GVQW3: variants seen among roughly 807,000 people sequenced by gnomAD.
GVQW3 encodes the protein protein GVQW3.
GVQW3 carries 7 observed loss-of-function variants against 12.5 expected under a neutral mutation model. The ratio of observed to expected loss-of-function variants is 0.56; its 90% CI spans 0.32 to 1.05. The LOEUF is 1.05. GVQW3 is among the 50% of genes least tolerant of loss of function. GVQW3 has a pLI of 0.04. For synonymous variants in GVQW3, 71 were observed against 67.2 expected (o/e 1.06, Z -0.28); for missense variants, 188 against 190.8 (o/e 0.99, Z 0.09).
chr11:76,397,002 CTTTTTT>C (rs11401694), intron 1 of GVQW3, among the ~76,000 whole-genome samples: 19 of 110,876 alleles, frequency 1.7e-4, no homozygotes, highest in Non-Finnish European at 2.9e-4. Context: ...TCATTTATTC[CTTTTTT>C]TTTTTTTTTT....
At chr11:76,387,967 G>A (rs1043998366) in intron 1 of GVQW3, among the ~76,000 whole-genome samples, 1 of 152,196 alleles carries the variant, frequency 6.6e-6, no homozygotes, top group African/African-American at 2.4e-5. Context: ...ACTCTGTGGA[G>A]CCAGGAGAGT....
intron 1 of GVQW3, among the ~76,000 whole-genome samples, chr11:76,400,143 G>A (rs1022313519): frequency 4.8e-5 from 7 of 146,806 alleles, no homozygotes; most frequent in Admixed American, 2.1e-4. Flanking sequence ...ATGGAGTTTC[G>A]CTCTTGTCAC....
exon 2 of GVQW3, chr11:76,413,285 T>C (rs1947094007): frequency 6.6e-6 from 1 of 152,188 alleles, no homozygotes; most frequent in Non-Finnish European, 1.5e-5. Flanking sequence ...GGCTTGGCAT[T>C]GTTCTCCCAA....
At chr11:76,391,593 G>A (rs1028681848) in intron 1 of GVQW3, among the ~76,000 whole-genome samples, 1 of 152,200 alleles carries the variant, frequency 6.6e-6, no homozygotes, top group African/African-American at 2.4e-5. Context: ...GAAGCAGCCA[G>A]AAGTCCACTC....
chr11:76,408,217 G>T (rs59877552), downstream of GVQW3: 5 of 152,102 alleles, frequency 3.3e-5, no homozygotes, highest in African/African-American at 9.7e-5. Context: ...ACACAGATAC[G>T]CTTATTACAA....
At chr11:76,383,857 G>T (rs1454992872) in intron 1 of GVQW3, 3 of 152,086 alleles carry the variant, frequency 2.0e-5, no homozygotes, top group African/African-American at 7.2e-5. Context: ...TAATGGTGTT[G>T]CAGCAGATGA....
rs1212669253 is a variant in GVQW3 at position 76,404,103 on chromosome 11, T to C, written c.*345T>C. On this transcript the variant is annotated 3_prime_UTR_variant, in exon 2 of 2. Coordinates refer to ENST00000529331, the MANE Select transcript of GVQW3 (RefSeq NM_001347885.2). ...TCAAGTGAACATATAAAATTGGCTG[T>C]CACATCTCCATTTTGTTTATTTATT... 1 of 467,932 alleles carries C rather than the reference T, an allele frequency of 2.1e-6. No individual in the cohort carries two copies. The highest frequency in any genetic ancestry group is 3.8e-6 in the Non-Finnish European group (1 of 261,520). 29.0% of individuals were successfully genotyped at this position (467,932 alleles called of 1,614,324 possible). A position where few individuals can be genotyped will look rare whatever the true frequency, so the allele number is the denominator to read the frequency against.
Position 76,381,558 on chromosome 11 carries a change from T to TC in GVQW3, c.-271_-270insC. On this transcript the variant is annotated 5_prime_UTR_variant, in exon 1 of 2. The change creates a premature stop within an existing upstream ORF in the 5' untranslated region. Transcript: ENST00000529331. ...GTGACTGGCAAACTCTCGGCAGATG[T>TC]GCGTGCACTGGTTTGATGCAGACGT... 6.4e-5 allele frequency: 24 copies of TC among 374,784 alleles called. No homozygotes were observed. The highest frequency in any genetic ancestry group is 3.0e-4 in the South Asian group (6 of 19,704). 23.2% of individuals were successfully genotyped at this position (374,784 alleles called of 1,614,324 possible). A position where few individuals can be genotyped will look rare whatever the true frequency, so the allele number is the denominator to read the frequency against.
chr11:76,406,367 A>G lies in GVQW3; in HGVS notation c.*2609A>G, dbSNP rs1947039158. 6.6e-6 allele frequency: 1 copy of G among 152,304 alleles called. No homozygotes were observed. The highest frequency in any genetic ancestry group is 2.1e-4 in the South Asian group (1 of 4,830). The allele number at this position is 152,304 out of a possible 1,614,324, so 9.4% of individuals were successfully genotyped here. A position where few individuals can be genotyped will look rare whatever the true frequency, so the allele number is the denominator to read the frequency against. ...AGAGGAGGTTCAATAACTGTGTGCTAGAGTCATACCTCCACCTGAGTGCAG... is the reference window on the plus strand; with the variant it reads ...AGAGGAGGTTCAATAACTGTGTGCTGGAGTCATACCTCCACCTGAGTGCAG... On this transcript the variant is annotated 3_prime_UTR_variant, in exon 2 of 2. Transcript: ENST00000529331.
At position 76,407,392 on chromosome 11, in the gene GVQW3, C is replaced by G. The variant is rs1206125204; in HGVS notation, c.*3634C>G. On this transcript the variant is annotated 3_prime_UTR_variant, in exon 2 of 2. Transcript: ENST00000529331. ...AGGAGCTAGAGACCAGCCTGGTCAA[C>G]ATGGTGAAACCCCTTCTCTACTAAA... 2 of 152,050 alleles carry G rather than the reference C, an allele frequency of 1.3e-5. No individual in the cohort carries two copies. Among genetic ancestry groups the G allele is most frequent in the African/African-American group, 4.8e-5 (2 of 41,370 alleles). 9.4% of individuals were successfully genotyped at this position (152,050 alleles called of 1,614,324 possible).
chr11:76,382,330 G>A, intron 1 of GVQW3, 37 bp downstream of exon 1: 1 of 1,326,832 alleles, frequency 7.5e-7, no homozygotes, highest in Admixed American at 2.0e-5. Flanking sequence ...TCTCCAGGGT[G>A]AAGCTGGTGG....
At position 76,382,286 on chromosome 11, in the gene GVQW3, G is replaced by C. The variant is rs775345570; in HGVS notation, c.458G>C (p.Arg153Thr). 6.6e-7 allele frequency: 1 copy of C among 1,514,132 alleles called. No homozygotes were observed. 93.8% of individuals were successfully genotyped at this position (1,514,132 alleles called of 1,614,324 possible). Residue 153 changes from arginine (R) to threonine (T), a missense_variant, in exon 1 of 2, where the codon AGG becomes ACG. Coordinates refer to ENST00000529331, the MANE Select transcript of GVQW3 (RefSeq NM_001347885.2). ...ACTAGGAAAAATAGCTCATGTTTGA[G>C]GAAAAAGGTAACAGGTTCTGAAACA... ...KETRKNSSCL[R>T]KKRRNLTMLP... is the part of the protein sequence containing the mutation.
intron 1 of GVQW3, among the ~76,000 whole-genome samples, chr11:76,398,564 T>C (rs1204627651): frequency 1.3e-5 from 2 of 152,296 alleles, no homozygotes; most frequent in East Asian, 1.9e-4. Flanking sequence ...CCGCCTGCCA[T>C]GGCCTCCCAA....
At chr11:76,408,550 T>G (rs1458902556), downstream of GVQW3, 1 of 152,210 alleles carries the variant, frequency 6.6e-6, no homozygotes, top group East Asian at 1.9e-4. Flanking sequence ...TGAACTGAGG[T>G]GCATCCAACT....
Position 76,382,049 on chromosome 11 carries a change from AT to A in GVQW3, c.222del (p.Asn74LysfsTer15). 1 of 1,536,602 alleles carries A rather than the reference AT, an allele frequency of 6.5e-7. No individual in the cohort carries two copies. The highest frequency in any genetic ancestry group is 8.7e-7 in the Non-Finnish European group (1 of 1,147,006). On this transcript the variant is annotated frameshift_variant, in exon 1 of 2. Coordinates refer to ENST00000529331, the MANE Select transcript of GVQW3 (RefSeq NM_001347885.2). LOFTEE classifies it high-confidence loss of function. Reference protein sequence around the residue: ...GRPVTHRTDDNIQKVKDLVCS... With the variant: ...GRPVTHRTDDXIQKVKDLVCS... ...CCAGTCACCCACCGAACAGATGACAATATCCAGAAGGTCAAGGACTTGGTTT... is the reference window on the plus strand; with the variant it reads ...CCAGTCACCCACCGAACAGATGACAAATCCAGAAGGTCAAGGACTTGGTTT...
intron 1 of GVQW3, among the ~76,000 whole-genome samples, chr11:76,384,816 C>T (rs1946816355): frequency 6.6e-6 from 1 of 152,318 alleles, no homozygotes; most frequent in East Asian, 1.9e-4. Context: ...AAGCACTTGG[C>T]ACCAGGGACA....
chr11:76,396,922 C>A (rs946928783), intron 1 of GVQW3, among the ~76,000 whole-genome samples: 2 of 151,626 alleles, frequency 1.3e-5, no homozygotes, highest in Non-Finnish European at 2.9e-5. Context: ...TAATATGTAG[C>A]CTTTTATGTC....
At chr11:76,400,006 T>TACACACACACAC (rs60192043) in intron 1 of GVQW3, among the ~76,000 whole-genome samples, 1,746 of 140,424 alleles carry the variant, frequency 0.012, 19 homozygotes, top group Admixed American at 0.023. Flanking sequence ...TCTCTCTGTA[T>TACACACACACAC]ACACACACAC....
intron 1 of GVQW3, among the ~76,000 whole-genome samples, chr11:76,386,431 T>C (rs1475210507): frequency 6.6e-6 from 1 of 152,242 alleles, no homozygotes; most frequent in African/African-American, 2.4e-5. Flanking sequence ...AGAAACTTTT[T>C]TTCAGATGAA....
Sources: allele counts gnomAD v4.1 joint callset (sites outside exome capture counted in the v4.1 genomes callset), GRCh38; gene constraint gnomAD v4.1.1; transcripts MANE v1.5; gene names NCBI Gene and HGNC (gene_info 2026-07-23, HGNC 2026-07-21).